The following DNAH5 variants were observed in gnomAD, a reference collection of about 807,000 sequenced individuals.
DNAH5 encodes axonemal beta dynein heavy chain 5.
A neutral mutation model predicts 518.2 loss-of-function variants in DNAH5; 372 were observed. That is an observed-to-expected ratio of 0.72 (90% confidence interval 0.66 to 0.78). The LOEUF (loss-of-function observed/expected upper bound fraction) is 0.78. Among genes scored for constraint, DNAH5 ranks in the 30% least tolerant of loss-of-function variants. The pLI, the probability that DNAH5 is intolerant of heterozygous loss-of-function variation, is 0.00. For missense variants in DNAH5, 5,523 were observed against 5,687.0 expected, an observed-to-expected ratio of 0.97 and a Z score of 0.93; for synonymous variants, 2,039 against 2,025.9, an observed-to-expected ratio of 1.01 and a Z score of -0.17.
Position 13,721,226 on chromosome 5 carries a change from T to C in DNAH5, c.12053A>G (p.Asp4018Gly). 2 of 1,614,068 alleles carry C rather than the reference T, an allele frequency of 1.2e-6. No individual in the cohort carries two copies. Among genetic ancestry groups the C allele is most frequent in the East Asian group, 4.5e-5 (2 of 44,876 alleles). ...TIAQARKYIV[D>G]SMGEKYAEGV... ...TTCGGCATATTTTTCTCCCATGGAG[T>C]CCACGATGTACTTGCGGGCCTGCCA... The change falls in exon 71 of 79, where the codon GAC becomes GGC. Residue 4018 changes from aspartate (D) to glycine (G), a missense_variant. Physicochemically the swap from Asp to Gly is moderately conservative, Grantham distance 94. Around this residue, in one of 3 missense-constraint regions of DNAH5, gnomAD observed 5,121 missense variants for 5,223.3 expected, o/e 0.98. Transcript: ENST00000265104.
chr5:13,928,611 A>G (rs1233294269), intron 2 of DNAH5, among the ~76,000 whole-genome samples: 2 of 152,216 alleles, frequency 1.3e-5, no homozygotes, highest in Admixed American at 6.5e-5. Flanking sequence ...CCATGAGAAC[A>G]TATCTGACTA....
chr5:13,987,294 A>T (rs888986950), intron 1 of DNAH5, among the ~76,000 whole-genome samples: 1 of 152,130 alleles, frequency 6.6e-6, no homozygotes, highest in African/African-American at 2.4e-5. Context: ...GGTTAAAATG[A>T]GGTCTATGGT....
intron 1 of DNAH5, among the ~76,000 whole-genome samples, chr5:13,954,239 A>G (rs981720266): frequency 6.6e-6 from 1 of 152,220 alleles, no homozygotes; most frequent in Non-Finnish European, 1.5e-5. Flanking sequence ...TTATTCAACT[A>G]TAAAACACTT....
chr5:13,907,243 C>G (rs183841482), intron 12 of DNAH5, among the ~76,000 whole-genome samples: 4 of 152,218 alleles, frequency 2.6e-5, no homozygotes, highest in African/African-American at 9.6e-5. Context: ...CCAGTCTGGC[C>G]AACATGCTGA....
chr5:13,961,705 C>T (rs371704846), intron 1 of DNAH5, among the ~76,000 whole-genome samples: 3 of 152,078 alleles, frequency 2.0e-5, no homozygotes, highest in Non-Finnish European at 2.9e-5. Flanking sequence ...CCAAAGCCCA[C>T]GGACAAAATG....
At chr5:13,814,387 T>C (rs751245048) in intron 43 of DNAH5, among the ~76,000 whole-genome samples, 11 of 152,192 alleles carry the variant, frequency 7.2e-5, no homozygotes, top group Non-Finnish European at 1.5e-4. Context: ...AACCCAGAGG[T>C]TGGAAATCCC....
rs3734109 is a variant in DNAH5 at position 13,735,783 on chromosome 5, T to C, written c.11570+35A>G. 851,505 of 1,466,164 alleles carry C rather than the reference T, an allele frequency of 0.58. 248,813 individuals are homozygous for C. Among genetic ancestry groups the C allele is most frequent in the Non-Finnish European group, 0.59 (612,392 of 1,045,468 alleles). 90.8% of individuals were successfully genotyped at this position (1,466,164 alleles called of 1,614,324 possible). A position where few individuals can be genotyped will look rare whatever the true frequency, so the allele number is the denominator to read the frequency against. ...ATGTCATCATTTTAGTGCACAGATA[T>C]AGAATTCAGCTTGGCTTCCCGCGTA... On this transcript the variant is annotated intron_variant, in intron 67 of 78. Transcript: ENST00000265104.
chr5:13,890,752 T>C (rs1773111909), intron 17 of DNAH5, among the ~76,000 whole-genome samples: 1 of 152,244 alleles, frequency 6.6e-6, no homozygotes, highest in Non-Finnish European at 1.5e-5. Context: ...ATTTCTCTCC[T>C]ACTGATCTGA....
chr5:13,713,124 TACACACACACTGAC>T (rs1561092947), intron 75 of DNAH5, among the ~76,000 whole-genome samples: 3 of 146,600 alleles, frequency 2.0e-5, no homozygotes, highest in Admixed American at 6.9e-5. Flanking sequence ...TATATATATA[TACACACACACTGAC>T]ATATATATAC....
At chr5:13,915,881 T>A (rs569359909) in intron 9 of DNAH5, among the ~76,000 whole-genome samples, 20 of 152,120 alleles carry the variant, frequency 1.3e-4, no homozygotes, top group Non-Finnish European at 2.5e-4. Flanking sequence ...AATTGCTTTA[T>A]AGATTACTAG....
intron 34 of DNAH5, among the ~76,000 whole-genome samples, chr5:13,840,290 A>C (rs1764987868): frequency 6.6e-6 from 1 of 152,148 alleles, no homozygotes; most frequent in Non-Finnish European, 1.5e-5. Context: ...TATTATGAGA[A>C]TAAGAGCTTT....
chr5:13,863,326 C>G (rs1768763847), intron 28 of DNAH5, among the ~76,000 whole-genome samples: 1 of 152,172 alleles, frequency 6.6e-6, no homozygotes, highest in South Asian at 2.1e-4. Context: ...AGACCCACAT[C>G]CATTTGCCTA....
chr5:13,776,414 CT>C (rs762421810), intron 55 of DNAH5, 24 bp downstream of exon 55: 2 of 1,613,180 alleles, frequency 1.2e-6, no homozygotes, highest in Admixed American at 3.3e-5. Context: ...ATGTTATGCC[CT>C]GGCATAAACA....
chr5:13,749,904 A>G (rs1415226551), intron 65 of DNAH5, among the ~76,000 whole-genome samples: 1 of 152,196 alleles, frequency 6.6e-6, no homozygotes, highest in East Asian at 1.9e-4. Context: ...GGTCATTACC[A>G]CAACAGCAAC....
intron 65 of DNAH5, among the ~76,000 whole-genome samples, chr5:13,748,639 C>A (rs1749763461): frequency 6.6e-6 from 1 of 152,138 alleles, no homozygotes; most frequent in South Asian, 2.1e-4. Flanking sequence ...CTCTTTGAAG[C>A]AATTGTGAAT....
In DNAH5 at chr5:13,807,634, T is replaced by C. The variant is rs762549212; in HGVS notation, c.7844A>G (p.Lys2615Arg). The C allele has an allele frequency of 2.5e-6, 4 of 1,613,534 alleles. No individual in the cohort carries two copies. In the East Asian group the frequency reaches 6.7e-5, roughly 27 times the overall value. ...SKYDPECHMI[K>R]SLNFSSATTP... ...GGTTGCAGAAGAAAAATTCAGACTC[T>C]TGATCATGTGACATTCAGGATCATA... Residue 2615 changes from lysine to arginine, a missense_variant, in exon 47 of 79, where the codon AAG (lysine) becomes AGG (arginine). Lys to Arg is a conservative substitution (Grantham distance 26). Transcript: ENST00000265104.
At chr5:13,936,780 C>T (rs1408804061) in intron 1 of DNAH5, among the ~76,000 whole-genome samples, 1 of 152,174 alleles carries the variant, frequency 6.6e-6, no homozygotes, top group Non-Finnish European at 1.5e-5. Flanking sequence ...TTCCTACACC[C>T]TTATGAAGCT....
chr5:13,883,123 C>T (rs1214901092), intron 19 of DNAH5, 29 bp from the exon 20 acceptor site: 1 of 1,608,128 alleles, frequency 6.2e-7, no homozygotes, highest in South Asian at 1.1e-5. Flanking sequence ...AGGAAGAATT[C>T]ACATTTTTAA....
intron 1 of DNAH5, among the ~76,000 whole-genome samples, chr5:13,991,080 G>T (rs1284109254): frequency 1.3e-5 from 2 of 152,152 alleles, no homozygotes; most frequent in African/African-American, 2.4e-5. Flanking sequence ...CTTGCCAGTT[G>T]CAAGTCTTGA....
Sources: gnomAD v4.1 joint callset for allele counts (sites outside exome capture counted in the v4.1 genomes callset) on GRCh38, gnomAD v4.1.1 for gene constraint, gnomAD v4.1.1 regional missense constraint, MANE v1.5 for transcripts, NCBI Gene and HGNC (gene_info 2026-07-23, HGNC 2026-07-21) for gene names.